Variants in GPM6B observed in about 807,000 individuals in gnomAD.
GPM6B encodes neuronal membrane glycoprotein M6-b.
Under a neutral mutation model 27.2 loss-of-function variants are expected in GPM6B, and 4 were observed. The observed-to-expected ratio is 0.15, with a 90% confidence interval of 0.07 to 0.34. The LOEUF is 0.34. GPM6B is among the 10% of genes least tolerant of loss of function. The pLI is 1.00. For synonymous variants in GPM6B, 124 were observed against 103.1 expected, an observed-to-expected ratio of 1.20 and a Z score of -1.23; for missense variants, 183 against 261.9, an observed-to-expected ratio of 0.70 and a Z score of 2.08.
chrX:13,785,285 T>A (rs921921603), intron 3 of GPM6B, among the ~76,000 whole-genome samples: 5 of 110,286 alleles, frequency 4.5e-5, no homozygotes, highest in Non-Finnish European at 9.5e-5. Flanking sequence ...TCTCAGATAC[T>A]TTTTTTTTAA....
At chrX:13,815,755 C>G (rs1360549511) in intron 1 of GPM6B, among the ~76,000 whole-genome samples, 1 of 111,897 alleles carries the variant, frequency 8.9e-6, no homozygotes, top group Non-Finnish European at 1.9e-5. Context: ...AGCTGAAGTA[C>G]ATGTAATTGC....
chrX:13,827,946 A>C (rs2049395532), intron 1 of GPM6B, among the ~76,000 whole-genome samples: 1 of 110,874 alleles, frequency 9.0e-6, no homozygotes, highest in Non-Finnish European at 1.9e-5. Flanking sequence ...TGGATTAATG[A>C]GTTTCTACCT....
At chrX:13,916,663 ATGTGTGTGTGTGTG>A (rs55844856) in intron 1 of GPM6B, among the ~76,000 whole-genome samples, 31 of 90,181 alleles carry the variant, frequency 3.4e-4, no homozygotes, top group South Asian at 1.2e-3. Flanking sequence ...TAGTTTATTA[ATGTGTGTGTGTGTG>A]TGTGTGTGTG....
At position 13,858,475 on chromosome X, in the gene GPM6B, G is replaced by GTC. The variant is rs1329999567; in HGVS notation, c.-197-72669_-197-72668dup. Among the ~76,000 whole-genome samples the GTC allele has an allele frequency of 5.4e-5, 6 of 111,434 alleles. No individual in the cohort carries two copies. In the Admixed American group the frequency reaches 5.7e-4, roughly 11 times the overall value. ...GCCAATCTCAGGCAATAAATGAAACGTCACTAAACTCAGAATTGGAAGAGG... is the reference window on the plus strand; with the variant it reads ...GCCAATCTCAGGCAATAAATGAAACGTCTCACTAAACTCAGAATTGGAAGAGG... On this transcript the variant is annotated intron_variant, in intron 1 of 6. Coordinates refer to the GPM6B transcript ENST00000398361.
At chrX:13,880,175 C>T (rs1053617722) in intron 1 of GPM6B, among the ~76,000 whole-genome samples, 5 of 111,500 alleles carry the variant, frequency 4.5e-5, no homozygotes, top group Admixed American at 2.9e-4. Context: ...GCCACGTTAG[C>T]GTAAAGGTCT....
intron 1 of GPM6B, among the ~76,000 whole-genome samples, chrX:13,837,757 AG>A (rs1323279089): frequency 2.0e-5 from 1 of 50,640 alleles, no homozygotes; most frequent in African/African-American, 5.1e-5. Context: ...AGCTGCGCTT[AG>A]CAACAGTGTC....
chrX:13,875,582 G>A (rs994430319), intron 1 of GPM6B, among the ~76,000 whole-genome samples: 1 of 111,936 alleles, frequency 8.9e-6, no homozygotes, highest in Admixed American at 9.5e-5. Context: ...ATGGTCACAG[G>A]AGCACTCTTC....
At chrX:13,852,035 C>T (rs1259517349) in intron 1 of GPM6B, among the ~76,000 whole-genome samples, 1 of 110,885 alleles carries the variant, frequency 9.0e-6, no homozygotes, top group Non-Finnish European at 1.9e-5. Flanking sequence ...TATCCTTAGG[C>T]AGGGCATCAA....
chrX:13,932,582 A>C (rs1921629203), intron 1 of GPM6B, among the ~76,000 whole-genome samples: 1 of 111,150 alleles, frequency 9.0e-6, no homozygotes, highest in South Asian at 3.8e-4. Flanking sequence ...GCTGTCCAAT[A>C]CTCCCCTGAG....
At chrX:13,793,430 C>G (rs767453840) in intron 2 of GPM6B, among the ~76,000 whole-genome samples, 1 of 110,908 alleles carries the variant, frequency 9.0e-6, no homozygotes, top group South Asian at 3.9e-4. Context: ...TAGGATCTCC[C>G]GAGGCTGTGT....
At chrX:13,867,267 G>A (rs373362020) in intron 1 of GPM6B, among the ~76,000 whole-genome samples, 5 of 111,029 alleles carry the variant, frequency 4.5e-5, no homozygotes, top group African/African-American at 1.3e-4. Context: ...GTGCCACTAC[G>A]CCTGGCTAAT....
At chrX:13,855,671 T>C (rs1194873275) in intron 1 of GPM6B, among the ~76,000 whole-genome samples, 1 of 112,032 alleles carries the variant, frequency 8.9e-6, no homozygotes, top group Non-Finnish European at 1.9e-5. Flanking sequence ...AGTTTACAAC[T>C]TGATGAGTTT....
intron 1 of GPM6B, among the ~76,000 whole-genome samples, chrX:13,931,297 G>GAGATTGAGA (rs1921515312): frequency 9.0e-6 from 1 of 110,828 alleles, no homozygotes; most frequent in Non-Finnish European, 1.9e-5. Flanking sequence ...ACAAGGTCAG[G>GAGATTGAGA]CTATCATGGT....
chrX:13,883,693 T>TAAAAAAA (rs763473816), intron 1 of GPM6B, among the ~76,000 whole-genome samples: 1 of 76,956 alleles, frequency 1.3e-5, no homozygotes, highest in African/African-American at 4.9e-5. Flanking sequence ...CTTCGTCTCT[T>TAAAAAAA]AAAAAAAAAA....
chrX:13,894,020 T>C (rs1206485766), intron 1 of GPM6B, among the ~76,000 whole-genome samples: 1 of 112,007 alleles, frequency 8.9e-6, no homozygotes, highest in African/African-American at 3.2e-5. Flanking sequence ...AGAGACCTCA[T>C]GGGGAGAACT....
chrX:13,887,457 C>T (rs1603113555), intron 1 of GPM6B, among the ~76,000 whole-genome samples: 1 of 111,912 alleles, frequency 8.9e-6, no homozygotes, highest in East Asian at 2.8e-4. Flanking sequence ...GCCCACCAGT[C>T]TGTTTTTACC....
At chrX:13,922,178 C>T (rs1201328653) in intron 1 of GPM6B, among the ~76,000 whole-genome samples, 2 of 111,340 alleles carry the variant, frequency 1.8e-5, no homozygotes, top group Non-Finnish European at 3.8e-5. Flanking sequence ...GTTTCTTAAC[C>T]TCAGCACTCT....
intron 1 of GPM6B, among the ~76,000 whole-genome samples, chrX:13,894,261 C>T (rs372988447): frequency 8.9e-6 from 1 of 111,884 alleles, no homozygotes; most frequent in Non-Finnish European, 1.9e-5. Flanking sequence ...ACAGATCAAA[C>T]GGATGTGCAT....
chrX:13,776,610 C>T (rs1170006681), intron 6 of GPM6B, among the ~76,000 whole-genome samples: 2 of 112,157 alleles, frequency 1.8e-5, no homozygotes, highest in Non-Finnish European at 3.8e-5. Context: ...AGCCCTGCTT[C>T]AAGCCACTGC....
Sources: allele counts gnomAD v4.1 joint callset (sites outside exome capture counted in the v4.1 genomes callset), GRCh38; gene constraint gnomAD v4.1.1; transcripts MANE v1.5; gene names NCBI Gene and HGNC (gene_info 2026-07-23, HGNC 2026-07-21).